The following SHC2 variants were observed in gnomAD, a reference collection of about 807,000 sequenced individuals.
SHC2 encodes SHC-transforming protein 2.
In SHC2, 62 loss-of-function variants were observed where a neutral mutation model predicts 60.6. The observed-to-expected ratio is 1.02, with a 90% CI of 0.83 to 1.26. SHC2 has a LOEUF of 1.26. Ranked by LOEUF, SHC2 falls within the 50% of genes most tolerant of loss-of-function variation. The pLI, the probability that SHC2 is intolerant of heterozygous loss-of-function variation, is 0.00. For missense variants in SHC2, 873 were observed against 822.2 expected, an observed-to-expected ratio of 1.06 and a Z score of -0.76; for synonymous variants, 375 against 372.4, an observed-to-expected ratio of 1.01 and a Z score of -0.08.
At chr19:420,625 C>G (rs1172576486) in intron 11 of SHC2, among the ~76,000 whole-genome samples, 1 of 152,084 alleles carries the variant, frequency 6.6e-6, no homozygotes, top group Non-Finnish European at 1.5e-5. Flanking sequence ...ATTTTAGGTA[C>G]CAGGAGGAGA....
rs1030968312 is a variant in SHC2 at position 435,998 on chromosome 19, A to C, written c.953+167T>G. On this transcript the variant is annotated intron_variant, in intron 7 of 12. Transcript: ENST00000264554. ...GCGGGGATGCGTTTACTCGGGTGTT[A>C]ACAGCCGAGGAAACAGGATCCTCTG... The C allele has an allele frequency of 2.1e-5, 15 of 719,240 alleles. No individual in the cohort carries two copies. In the Admixed American group the frequency reaches 2.6e-4, roughly 12 times the overall value. 44.6% of individuals were successfully genotyped at this position (719,240 alleles called of 1,614,324 possible). A position where few individuals can be genotyped will look rare whatever the true frequency, so the allele number is the denominator to read the frequency against.
chr19:436,803 G>A (rs975101276), intron 4 of SHC2, 120 bp from the exon 5 acceptor site: 33 of 1,004,924 alleles, frequency 3.3e-5, no homozygotes, highest in Middle Eastern at 5.5e-4. Flanking sequence ...GGATGGAGAC[G>A]TCTCCTGGAC....
intron 6 of SHC2, 37 bp from the exon 7 acceptor site, chr19:436,328 C>T (rs902837043): frequency 1.4e-5 from 22 of 1,586,350 alleles, no homozygotes; most frequent in Non-Finnish European, 1.5e-5. Flanking sequence ...CCGAGCCACA[C>T]GGCCGTGCCC....
At chr19:455,976 C>T (rs1169887560) in intron 1 of SHC2, among the ~76,000 whole-genome samples, 2 of 152,184 alleles carry the variant, frequency 1.3e-5, no homozygotes, top group Non-Finnish European at 2.9e-5. Flanking sequence ...GACACGGGGC[C>T]GTTGCTGTGC....
In SHC2 at chr19:438,936, A is replaced by G. The variant is rs1425605921; in HGVS notation, c.600+34T>C. 9 of 1,574,242 alleles carry G rather than the reference A, an allele frequency of 5.7e-6. No homozygotes were observed. Among genetic ancestry groups the G allele is most frequent in the Admixed American group, 1.8e-5 (1 of 55,680 alleles). ...CGTCCCCACAGCCCCCGACTGCCCC[A>G]CCAGCCCCACGAGAGACCACAAGCC... On this transcript the variant is annotated intron_variant, in intron 3 of 12. Coordinates refer to ENST00000264554, the MANE Select transcript of SHC2 (RefSeq NM_012435.3). This position sits in a 1 kb window ranked among gnomAD's most constrained non-coding sequence, Gnocchi z 5.0.
chr19:418,835 C>T (rs553681423), intron 12 of SHC2, 88 bp downstream of exon 12: 11 of 1,438,830 alleles, frequency 7.6e-6, no homozygotes, highest in East Asian at 2.5e-5. Flanking sequence ...GGGAAAGGCA[C>T]GGCACGTGAA....
intron 1 of SHC2, among the ~76,000 whole-genome samples, chr19:457,710 C>T (rs986300422): frequency 6.6e-6 from 1 of 152,244 alleles, no homozygotes; most frequent in Non-Finnish European, 1.5e-5. Context: ...GCCCCAACAA[C>T]CCTGGCGTCT....
intron 8 of SHC2, among the ~76,000 whole-genome samples, 197 bp downstream of exon 8, chr19:434,512 G>A (rs1054772062): frequency 9.2e-4 from 135 of 146,246 alleles, no homozygotes; most frequent in Non-Finnish European, 1.7e-3. Flanking sequence ...GAGTGAGATC[G>A]TGAGCCTGTG....
chr19:421,202 G>A (rs950268047), intron 11 of SHC2, among the ~76,000 whole-genome samples: 5 of 151,726 alleles, frequency 3.3e-5, no homozygotes, highest in African/African-American at 4.8e-5. Flanking sequence ...TTTGAGAACA[G>A]CCTGGCCAAT....
chr19:434,997 C>T, intron 7 of SHC2, 132 bp from the exon 8 acceptor site: 2 of 935,436 alleles, frequency 2.1e-6, no homozygotes, highest in Non-Finnish European at 3.1e-6. Flanking sequence ...CTGAGGGTTC[C>T]TACCGGGAAA....
intron 9 of SHC2, among the ~76,000 whole-genome samples, chr19:428,616 G>C (rs1332044453): frequency 6.6e-6 from 1 of 152,172 alleles, no homozygotes; most frequent in Admixed American, 6.5e-5. Flanking sequence ...AAATAACTCA[G>C]GAGCCACTGA....
rs1193258354 is a variant in SHC2 at position 422,549 on chromosome 19, T to A, written c.1310-93A>T. On this transcript the variant is annotated intron_variant, in intron 10 of 12. Transcript: ENST00000264554. The surrounding 1 kb of genome is among the most constrained non-coding windows in gnomAD (Gnocchi z 5.0). ...TGGGAGAAACGGGTTCCCCGGGGAG[T>A]CCCTCGTGCACCCGTCGGCCTGCGC... is the stretch of plus-strand genomic sequence containing the variant. The A allele has an allele frequency of 3.8e-6, 4 of 1,057,820 alleles. No individual in the cohort carries two copies. The African/African-American group carries it at 6.5e-5, about 17-fold the overall frequency. 65.5% of individuals were successfully genotyped at this position (1,057,820 alleles called of 1,614,324 possible).
At chr19:452,261 C>G (rs1180753014) in intron 1 of SHC2, among the ~76,000 whole-genome samples, 1 of 121,558 alleles carries the variant, frequency 8.2e-6, no homozygotes, top group Non-Finnish European at 1.7e-5. Flanking sequence ...CGTAGGTGTG[C>G]GTTTCTCCGT....
rs1974723407 is a variant in SHC2, at chr19:436,439, C to CGGGGA, written c.775-13_775-9dup. ...CACGTAATCCGTCATGTCCTGGGGG[C>CGGGGA]GGGGAGGGGCCAGCTGGACCTGCCT... On this transcript the variant is annotated splice_polypyrimidine_tract_variant and intron_variant, in intron 5 of 12. Transcript: ENST00000264554. 1.9e-6 allele frequency: 3 copies of CGGGGA among 1,601,338 alleles called. No individual in the cohort carries two copies. The highest frequency in any genetic ancestry group is 2.6e-6 in the Non-Finnish European group (3 of 1,173,822).
chr19:421,467 G>GAGGA (rs10668626), intron 11 of SHC2, among the ~76,000 whole-genome samples: 109,296 of 150,120 alleles, frequency 0.73, 40,010 homozygotes, highest in East Asian at 0.96. Context: ...GGGAGAGAGG[G>GAGGA]AGGAAGAAGG....
At chr19:451,177 G>T (rs550717176) in intron 1 of SHC2, among the ~76,000 whole-genome samples, 1 of 149,350 alleles carries the variant, frequency 6.7e-6, no homozygotes, top group East Asian at 2.1e-4. Context: ...GCGTGTGGAT[G>T]GCCATACCAT....
In SHC2 at chr19:425,015, G is replaced by T; in HGVS notation, c.1309+82C>A. ...CCCCATCAGACCAGGGAATCCCGTAGGGAGTGGGGGTGGGGTTGTGCCTCC... is the reference window on the plus strand; with the variant it reads ...CCCCATCAGACCAGGGAATCCCGTATGGAGTGGGGGTGGGGTTGTGCCTCC... On this transcript the variant is annotated intron_variant, in intron 10 of 12. Coordinates refer to ENST00000264554, the MANE Select transcript of SHC2 (RefSeq NM_012435.3). The surrounding 1 kb of genome is among the most constrained non-coding windows in gnomAD (Gnocchi z 4.1). The T allele has an allele frequency of 3.1e-6, 4 of 1,295,818 alleles. No individual in the cohort carries two copies. Among genetic ancestry groups the T allele is most frequent in the Non-Finnish European group, 4.0e-6 (4 of 999,642 alleles). The allele number at this position is 1,295,818 out of a possible 1,614,324, so 80.3% of individuals were successfully genotyped here. A position where few individuals can be genotyped will look rare whatever the true frequency, so the allele number is the denominator to read the frequency against.
rs966822402 is a variant in SHC2 at position 441,517 on chromosome 19, G to A, written c.469-585C>T. On this transcript the variant is annotated intron_variant, in intron 1 of 12. Coordinates refer to ENST00000264554, the MANE Select transcript of SHC2 (RefSeq NM_012435.3). This position sits in a 1 kb window ranked among gnomAD's most constrained non-coding sequence, Gnocchi z 4.9. ...CGAGTCCCTGACCTGCTTCAGTGCC[G>A]TAAAGGGTGGGGGAACAGGGCCAGG... Among the ~76,000 whole-genome samples, 8 of 152,128 alleles carry A rather than the reference G, an allele frequency of 5.3e-5. No individual in the cohort carries two copies. The highest frequency in any genetic ancestry group is 7.3e-5 in the Non-Finnish European group (5 of 68,028).
At chr19:454,834 G>A (rs1470504107) in intron 1 of SHC2, among the ~76,000 whole-genome samples, 3 of 151,556 alleles carry the variant, frequency 2.0e-5, no homozygotes, top group Non-Finnish European at 4.4e-5. Flanking sequence ...ACACAGGCCT[G>A]AGGGCCGGAA....
Sources: gnomAD v4.1 joint callset for allele counts (sites outside exome capture counted in the v4.1 genomes callset) on GRCh38, gnomAD v4.1.1 for gene constraint, Gnocchi (gnomAD v3.1) non-coding constraint, MANE v1.5 for transcripts, NCBI Gene and HGNC (gene_info 2026-07-23, HGNC 2026-07-21) for gene names.